MAGI2: variants seen among roughly 807,000 people sequenced by gnomAD.
MAGI2 encodes membrane associated guanylate kinase, WW and PDZ domain containing 2.
Under a neutral mutation model 133.3 loss-of-function variants are expected in MAGI2, and 35 were observed. That is an observed-to-expected ratio of 0.26 (90% CI 0.20 to 0.35). The LOEUF (loss-of-function observed/expected upper bound fraction) is 0.35, where lower values mean the gene tolerates loss of function less well. MAGI2 is among the 10% of genes least tolerant of loss of function. MAGI2 has a pLI of 1.00. For synonymous variants in MAGI2, 729 were observed against 710.6 expected (o/e 1.03, Z -0.41); for missense variants, 1,636 against 1,863.4 (o/e 0.88, Z 2.25).
intron 2 of MAGI2, among the ~76,000 whole-genome samples, chr7:78,958,403 C>G (rs1040425804): frequency 6.6e-6 from 1 of 152,136 alleles, no homozygotes; most frequent in African/African-American, 2.4e-5. Context: ...ATGTGTGTGA[C>G]AGTTCTTATT....
At chr7:78,120,893 T>G (rs1017380433) in intron 20 of MAGI2, among the ~76,000 whole-genome samples, 101 of 143,986 alleles carry the variant, frequency 7.0e-4, no homozygotes, top group African/African-American at 2.3e-3. Flanking sequence ...CCCAGCTACT[T>G]GGGAGGCTGA....
intron 2 of MAGI2, among the ~76,000 whole-genome samples, chr7:78,792,171 C>T (rs1033621226): frequency 6.6e-5 from 10 of 152,076 alleles, no homozygotes; most frequent in African/African-American, 2.4e-4. Flanking sequence ...CAAACGCAGA[C>T]TTTATCCCTG....
chr7:78,655,454 CAAAA>C, intron 2 of MAGI2, among the ~76,000 whole-genome samples: 16 of 64,946 alleles, frequency 2.5e-4, no homozygotes, highest in East Asian at 1.6e-3. Context: ...AAAAAACAAC[CAAAA>C]AAAAAAAAAA....
chr7:79,039,657 A>G (rs1239014749), intron 1 of MAGI2, among the ~76,000 whole-genome samples: 1 of 151,636 alleles, frequency 6.6e-6, no homozygotes, highest in African/African-American at 2.4e-5. Flanking sequence ...CAAGCAACTC[A>G]AAACTAAAAA....
At chr7:78,071,989 T>A (rs934239449) in intron 21 of MAGI2, among the ~76,000 whole-genome samples, 3 of 152,196 alleles carry the variant, frequency 2.0e-5, no homozygotes, top group African/African-American at 7.2e-5. Context: ...CCGTCCTTTG[T>A]CTTTTATTGA....
At chr7:78,027,576 C>T (rs1809064536) in intron 21 of MAGI2, among the ~76,000 whole-genome samples, 3 of 147,332 alleles carry the variant, frequency 2.0e-5, no homozygotes, top group African/African-American at 5.1e-5. Flanking sequence ...TACAGTGAGC[C>T]GAGATCATGC....
At chr7:79,045,991 G>A (rs1290209073) in intron 1 of MAGI2, among the ~76,000 whole-genome samples, 9 of 152,118 alleles carry the variant, frequency 5.9e-5, no homozygotes, top group South Asian at 4.1e-4. Context: ...CTATAATAGC[G>A]TAAGTTGTAA....
intron 1 of MAGI2, among the ~76,000 whole-genome samples, chr7:79,265,667 A>G (rs1834404779): frequency 6.6e-6 from 1 of 152,144 alleles, no homozygotes; most frequent in Non-Finnish European, 1.5e-5. Flanking sequence ...ATTGCATGCT[A>G]CAAGTAAGTT....
chr7:79,366,022 A>G (rs944557625), intron 1 of MAGI2, among the ~76,000 whole-genome samples: 1 of 151,584 alleles, frequency 6.6e-6, no homozygotes, highest in Admixed American at 6.6e-5. Context: ...CAGGAGGATC[A>G]CTTAAGCCCA....
intron 6 of MAGI2, among the ~76,000 whole-genome samples, chr7:78,402,538 A>G (rs554172643): frequency 1.3e-5 from 2 of 152,294 alleles, no homozygotes; most frequent in East Asian, 3.9e-4. Flanking sequence ...AACTAATATC[A>G]TGCTATACAG....
intron 2 of MAGI2, among the ~76,000 whole-genome samples, chr7:78,885,522 G>T (rs1024341655): frequency 6.6e-6 from 1 of 151,864 alleles, no homozygotes; most frequent in African/African-American, 2.4e-5. Context: ...AACTTTAAGT[G>T]GAACAATCAA....
At chr7:78,569,188 G>C (rs906110370) in intron 3 of MAGI2, among the ~76,000 whole-genome samples, 1 of 151,612 alleles carries the variant, frequency 6.6e-6, no homozygotes, top group Non-Finnish European at 1.5e-5. Context: ...AGCCCTTATC[G>C]CCACCTGACA....
intron 9 of MAGI2, among the ~76,000 whole-genome samples, chr7:78,318,853 A>G (rs1787698429): frequency 6.6e-6 from 1 of 152,204 alleles, no homozygotes; most frequent in African/African-American, 2.4e-5. Flanking sequence ...AGAATTTCAT[A>G]TCCAGCCAAA....
chr7:79,453,575 G>T lies in MAGI2; in HGVS notation c.-255C>A. On this transcript the variant is annotated 5_prime_UTR_variant, in exon 1 of 22. Transcript: ENST00000354212. ...TGTCCCTTGAATGACACTCAAGGCT[G>T]TGGCCCCGCAGCAGAGGAAGCAGTG... is the stretch of plus-strand genomic sequence containing the variant. 1 of 1,200,678 alleles carries T rather than the reference G, an allele frequency of 8.3e-7. No homozygotes were observed. Among genetic ancestry groups the T allele is most frequent in the Admixed American group, 4.5e-5 (1 of 22,142 alleles). The allele number at this position is 1,200,678 out of a possible 1,614,324, so 74.4% of individuals were successfully genotyped here.
At chr7:79,064,780 T>C (rs1471780437) in intron 1 of MAGI2, among the ~76,000 whole-genome samples, 1 of 152,090 alleles carries the variant, frequency 6.6e-6, no homozygotes, top group Non-Finnish European at 1.5e-5. Flanking sequence ...TCTGACTTTG[T>C]TGGTGGCTAG....
chr7:78,942,298 A>G (rs1358269968), intron 2 of MAGI2, among the ~76,000 whole-genome samples: 1 of 152,128 alleles, frequency 6.6e-6, no homozygotes, highest in African/African-American at 2.4e-5. Context: ...TTAAACTAAA[A>G]TAGAAAGTTT....
At chr7:78,860,662 G>A (rs946750833) in intron 2 of MAGI2, among the ~76,000 whole-genome samples, 9 of 152,164 alleles carry the variant, frequency 5.9e-5, no homozygotes, top group African/African-American at 2.2e-4. Flanking sequence ...CCTACTGGGA[G>A]GTGTCTCCCA....
intron 3 of MAGI2, among the ~76,000 whole-genome samples, chr7:78,594,229 T>C (rs1172740204): frequency 1.3e-5 from 2 of 152,226 alleles, no homozygotes; most frequent in African/African-American, 4.8e-5. Context: ...AAGATAATGT[T>C]GCCCAATTCT....
intron 9 of MAGI2, among the ~76,000 whole-genome samples, chr7:78,297,996 G>C (rs556253691): frequency 0.017 from 1,910 of 114,650 alleles, 26 homozygotes; most frequent in South Asian, 0.082. Flanking sequence ...TAAAAAAAAA[G>C]AATTGTCTGG....
Sources: gnomAD v4.1 joint callset for allele counts (sites outside exome capture counted in the v4.1 genomes callset) on GRCh38, gnomAD v4.1.1 for gene constraint, MANE v1.5 for transcripts, NCBI Gene and HGNC (gene_info 2026-07-23, HGNC 2026-07-21) for gene names.